GRID2: variants seen among roughly 807,000 people sequenced by gnomAD.
The protein encoded by GRID2 is glutamate receptor ionotropic, delta-2.
GRID2 carries 33 observed loss-of-function variants against 114.8 expected under a neutral mutation model. The observed-to-expected ratio is 0.29, with a 90% CI of 0.22 to 0.38. GRID2 has a LOEUF of 0.38. Ranked by LOEUF, GRID2 falls within the 10% of genes least tolerant of loss-of-function variation. The pLI is 1.00. For missense variants in GRID2, 1,184 were observed against 1,257.7 expected (o/e 0.94, Z 0.89); for synonymous variants, 505 against 449.9 (o/e 1.12, Z -1.55).
At position 93,783,006 on chromosome 4, in the gene GRID2, AAAGT is replaced by A. The variant is rs1265712889; in HGVS notation, c.221+13559_221+13562del. Reference sequence around the variant, plus strand: ...AATATCAACACAATGTAAGACTTTCAAAGTAATTTGCAGAGGCACATGTTTCTGG... The same window carrying A: ...AATATCAACACAATGTAAGACTTTCAAATTTGCAGAGGCACATGTTTCTGG... On this transcript the variant is annotated intron_variant, in intron 1 of 1. Transcript: ENST00000637838. Among the ~76,000 whole-genome samples the A allele has an allele frequency of 2.1e-3, 323 of 152,344 alleles. 2 individuals carry two copies. The highest frequency in any genetic ancestry group is 7.3e-3 in the African/African-American group (305 of 41,582).
intron 13 of GRID2, among the ~76,000 whole-genome samples, chr4:93,521,843 A>T (rs74526348): frequency 0.023 from 3,499 of 152,258 alleles, 131 homozygotes; most frequent in African/African-American, 0.079. Flanking sequence ...ACTGTAGTAA[A>T]ACTACAAGGA....
At chr4:93,045,781 A>G (rs940165075) in intron 2 of GRID2, among the ~76,000 whole-genome samples, 2 of 152,116 alleles carry the variant, frequency 1.3e-5, no homozygotes, top group Admixed American at 1.3e-4. Context: ...ACGAAACTTT[A>G]TTCTCTCACA....
intron 1 of GRID2, among the ~76,000 whole-genome samples, chr4:92,433,517 C>A (rs1351914648): frequency 2.0e-5 from 3 of 152,224 alleles, no homozygotes; most frequent in Admixed American, 2.0e-4. Flanking sequence ...TTGCTTTCTG[C>A]TGGAACAGAC....
Position 92,551,254 on chromosome 4 carries a change from CTGTGTGTG to C in GRID2, c.89-38849_89-38842del, listed in dbSNP as rs34809917. ...TGAAGGGAAATATATACATCTACAC[CTGTGTGTG>C]TGTGTGTGTGTGTGTGTGTGTGTGT... On this transcript the variant is annotated intron_variant, in intron 1 of 15. Coordinates refer to ENST00000282020, the MANE Select transcript of GRID2 (RefSeq NM_001510.4). Among the ~76,000 whole-genome samples, 508 of 146,978 alleles carry C rather than the reference CTGTGTGTG, an allele frequency of 3.5e-3. 1 individual carries two copies. Among genetic ancestry groups the C allele is most frequent in the African/African-American group, 0.012 (474 of 39,794 alleles).
chr4:93,801,550 G>A (rs892746459), intron 1 of GRID2, among the ~76,000 whole-genome samples: 2 of 151,908 alleles, frequency 1.3e-5, no homozygotes, highest in Non-Finnish European at 2.9e-5. Flanking sequence ...CTGATATTGG[G>A]TATAAAATAA....
intron 1 of GRID2, among the ~76,000 whole-genome samples, chr4:92,475,778 T>C (rs954550848): frequency 1.8e-4 from 27 of 152,198 alleles, no homozygotes; most frequent in African/African-American, 6.3e-4. Flanking sequence ...AATATTTTAA[T>C]AATATTATTT....
At position 93,437,135 on chromosome 4, in the gene GRID2, A is replaced by G. The variant is rs373220217; in HGVS notation, c.1545+14167A>G. The stretch of plus-strand genomic sequence containing the variant: ...AAAAGCATAGCTTGAAACTGACCAA[A>G]TAACAACTATACTAGCACTGATATA... On this transcript the variant is annotated intron_variant, in intron 10 of 15. Transcript: ENST00000282020. Among the ~76,000 whole-genome samples the G allele has an allele frequency of 9.9e-5, 15 of 152,276 alleles. 1 individual carries two copies. The South Asian group carries it at 1.2e-3, about 13-fold the overall frequency.
intron 2 of GRID2, among the ~76,000 whole-genome samples, chr4:93,024,187 C>A (rs528367508): frequency 6.6e-6 from 1 of 151,668 alleles, no homozygotes; most frequent in Admixed American, 6.6e-5. Flanking sequence ...ATCATTTTTG[C>A]TCCCTTAGCC....
At chr4:92,621,602 A>G (rs1438784010) in intron 2 of GRID2, among the ~76,000 whole-genome samples, 1 of 151,726 alleles carries the variant, frequency 6.6e-6, no homozygotes. Context: ...TCAAGGATGC[A>G]GTAAACTATA....
chr4:93,306,234 T>C (rs980736378), intron 8 of GRID2: 1 of 152,114 alleles, frequency 6.6e-6, no homozygotes, highest in African/African-American at 2.4e-5. Flanking sequence ...CTTCTAAAGG[T>C]TGGGCTAAGA....
intron 14 of GRID2, among the ~76,000 whole-genome samples, chr4:93,647,744 A>ACTATACTATACCATAC (rs1298832303): frequency 6.6e-6 from 1 of 152,214 alleles, no homozygotes; most frequent in East Asian, 1.9e-4. Context: ...TGGAAGGTAT[A>ACTATACTATACCATAC]CTATACTATA....
intron 2 of GRID2, among the ~76,000 whole-genome samples, chr4:92,757,624 A>G (rs879212621): frequency 7.9e-5 from 12 of 152,066 alleles, no homozygotes; most frequent in Admixed American, 7.9e-4. Flanking sequence ...AAGATCATCT[A>G]TGAAAAGAGT....
intron 1 of GRID2, among the ~76,000 whole-genome samples, chr4:92,357,701 T>C (rs1303453568): frequency 4.0e-5 from 6 of 151,898 alleles, no homozygotes. Context: ...AAGGCTTATT[T>C]ATAATATAAA....
chr4:93,340,844 G>A (rs1759575066), intron 8 of GRID2, among the ~76,000 whole-genome samples: 1 of 152,140 alleles, frequency 6.6e-6, no homozygotes, highest in African/African-American at 2.4e-5. Flanking sequence ...CATGGGGAAA[G>A]AGATGGGAGT....
In GRID2 at chr4:92,395,526, A is replaced by G. The variant is rs139863653; in HGVS notation, c.88+90782A>G. ...GTTTATATAAGAGCACCAAAATGTT[A>G]AGTAAGCACAACCAAAGCTCAACCC... On this transcript the variant is annotated intron_variant, in intron 1 of 15. Coordinates refer to ENST00000282020, the MANE Select transcript of GRID2 (RefSeq NM_001510.4). 2.4e-3 allele frequency among the ~76,000 whole-genome samples: 370 copies of G among 151,900 alleles called. 1 individual carries two copies. The highest frequency in any genetic ancestry group is 8.6e-3 in the African/African-American group (356 of 41,522).
At chr4:92,361,648 G>T (rs1482508851) in intron 1 of GRID2, among the ~76,000 whole-genome samples, 1 of 151,952 alleles carries the variant, frequency 6.6e-6, no homozygotes, top group African/African-American at 2.4e-5. Context: ...ATGGGGGAAG[G>T]TTGGAAAGGT....
At chr4:93,067,655 C>A (rs1460756642) in intron 2 of GRID2, among the ~76,000 whole-genome samples, 1 of 151,622 alleles carries the variant, frequency 6.6e-6, no homozygotes, top group Non-Finnish European at 1.5e-5. Flanking sequence ...TTAGCTCAAG[C>A]TAAGATCAAG....
In GRID2 at chr4:93,773,729, T is replaced by C. The variant is rs1047365892; in HGVS notation, c.*1231T>C. The C allele has an allele frequency of 6.6e-6, 1 of 152,114 alleles. No individual in the cohort carries two copies. Among genetic ancestry groups the C allele is most frequent in the Non-Finnish European group, 1.5e-5 (1 of 67,972 alleles). 9.4% of individuals were successfully genotyped at this position (152,114 alleles called of 1,614,324 possible). On this transcript the variant is annotated 3_prime_UTR_variant, in exon 16 of 16. Transcript: ENST00000282020. ...TGGGAGCCCTTAAGAACTATTGATG[T>C]GGCCTTAAATTACTGTCATTTATTA...
chr4:93,376,254 T>C (rs916223225), intron 8 of GRID2, among the ~76,000 whole-genome samples: 1 of 152,146 alleles, frequency 6.6e-6, no homozygotes, highest in African/African-American at 2.4e-5. Context: ...TGACGGATCG[T>C]ATGACTACAA....
Sources: gnomAD v4.1 joint callset for allele counts (sites outside exome capture counted in the v4.1 genomes callset) on GRCh38, gnomAD v4.1.1 for gene constraint, MANE v1.5 for transcripts, NCBI Gene and HGNC (gene_info 2026-07-23, HGNC 2026-07-21) for gene names.